The following SH3PXD2B variants were observed in gnomAD, a reference collection of about 807,000 sequenced individuals.
The protein encoded by SH3PXD2B is SH3 and PX domains 2B, also known as SH3 and PX domain-containing protein 2B.
In SH3PXD2B, 37 loss-of-function variants were observed where a neutral mutation model predicts 73.1. The observed-to-expected ratio is 0.51, with a 90% CI of 0.39 to 0.67. The LOEUF (loss-of-function observed/expected upper bound fraction) is 0.67. Among genes scored for constraint, SH3PXD2B ranks in the 30% least tolerant of loss-of-function variants. SH3PXD2B has a pLI of 0.00. For synonymous variants in SH3PXD2B, 457 were observed against 480.5 expected (o/e 0.95, Z 0.64); for missense variants, 1,053 against 1,197.8 (o/e 0.88, Z 1.78).
intron 2 of SH3PXD2B, among the ~76,000 whole-genome samples, chr5:172,412,595 A>T (rs553741421): frequency 6.6e-6 from 1 of 152,248 alleles, no homozygotes; most frequent in Admixed American, 6.5e-5. Flanking sequence ...GGGGGATTAG[A>T]GCCCTGCAAG....
exon 13 of SH3PXD2B, chr5:172,325,346 T>A: frequency 6.5e-7 from 1 of 1,535,568 alleles, no homozygotes; most frequent in Non-Finnish European, 8.7e-7. Context: ...AAGAGGGACT[T>A]CCACAGGGCT....
chr5:172,383,612 C>T (rs757371690), intron 4 of SH3PXD2B, among the ~76,000 whole-genome samples: 2 of 152,208 alleles, frequency 1.3e-5, no homozygotes, highest in Admixed American at 6.5e-5. Context: ...AGGTGGTTCA[C>T]GCATACATTT....
rs557671230 is a variant in SH3PXD2B at position 172,394,132 on chromosome 5, T to C, written c.309+431A>G. On this transcript the variant is annotated intron_variant, in intron 4 of 12. Transcript: ENST00000311601. ...CTAATTTTTGTATTTTTAGTATAGA[T>C]GGGGTTTCAACATGTTTGGTCAGGC... Among the ~76,000 whole-genome samples the C allele has an allele frequency of 1.5e-4, 23 of 152,126 alleles. No homozygotes were observed. In the East Asian group the frequency reaches 4.3e-3, roughly 28 times the overall value.
intron 6 of SH3PXD2B, among the ~76,000 whole-genome samples, chr5:172,364,374 C>T (rs1272242275): frequency 2.0e-5 from 3 of 152,044 alleles, no homozygotes; most frequent in Non-Finnish European, 4.4e-5. Context: ...TGTCAAAATA[C>T]ACCCAATTGG....
chr5:172,362,936 G>C, intron 6 of SH3PXD2B, 67 bp from the exon 7 acceptor site: 1 of 1,604,678 alleles, frequency 6.2e-7, no homozygotes, highest in Non-Finnish European at 8.5e-7. Context: ...AGTCAGAGCA[G>C]TAGGGCGGGT....
chr5:172,397,438 T>C (rs941755168), intron 3 of SH3PXD2B, among the ~76,000 whole-genome samples: 1 of 152,218 alleles, frequency 6.6e-6, no homozygotes, highest in African/African-American at 2.4e-5. Flanking sequence ...ATGATCTCTG[T>C]GACCCACACC....
intron 12 of SH3PXD2B, among the ~76,000 whole-genome samples, chr5:172,328,118 A>AT (rs145836169): frequency 1.5e-3 from 212 of 140,056 alleles, no homozygotes; most frequent in Admixed American, 2.4e-3. Flanking sequence ...TAGTAGGCTG[A>AT]TTTTTTTTTT....
At chr5:172,368,146 G>A (rs1757568247) in intron 6 of SH3PXD2B, among the ~76,000 whole-genome samples, 1 of 151,818 alleles carries the variant, frequency 6.6e-6, no homozygotes, top group Non-Finnish European at 1.5e-5. Context: ...CCTCTGCTAG[G>A]GACAGTCTTC....
chr5:172,329,077 ATATATATTT>A (rs1756503269), downstream of SH3PXD2B, among the ~76,000 whole-genome samples: 2 of 63,584 alleles, frequency 3.1e-5, no homozygotes, highest in African/African-American at 1.2e-4. Context: ...ATATATATAT[ATATATATTT>A]TTTTTTTTTT....
At chr5:172,370,093 T>C (rs1010667767) in intron 6 of SH3PXD2B, among the ~76,000 whole-genome samples, 13 of 152,214 alleles carry the variant, frequency 8.5e-5, no homozygotes, top group African/African-American at 3.1e-4. Context: ...ACAACAGACA[T>C]TTGTGGGATG....
chr5:172,344,272 G>A (rs538416698), intron 12 of SH3PXD2B, among the ~76,000 whole-genome samples: 1 of 152,222 alleles, frequency 6.6e-6, no homozygotes, highest in South Asian at 2.1e-4. Context: ...GAGAAAAACA[G>A]AGCATATGGA....
chr5:172,439,806 G>A (rs191769494), intron 1 of SH3PXD2B, among the ~76,000 whole-genome samples: 11 of 147,332 alleles, frequency 7.5e-5, no homozygotes, highest in African/African-American at 2.8e-4. Flanking sequence ...CTATTTCCAG[G>A]GTTGGCCAGG....
rs958441480 is a variant in SH3PXD2B, at chr5:172,334,951, T to C, written c.*3418A>G. 10 of 985,264 alleles carry C rather than the reference T, an allele frequency of 1.0e-5. No individual in the cohort carries two copies. Among genetic ancestry groups the C allele is most frequent in the East Asian group, 1.1e-4 (1 of 8,818 alleles). 61.0% of individuals were successfully genotyped at this position (985,264 alleles called of 1,614,324 possible). On this transcript the variant is annotated 3_prime_UTR_variant, in exon 13 of 13. Coordinates refer to ENST00000311601, the MANE Select transcript of SH3PXD2B (RefSeq NM_001017995.3). ...GTGGCCTTGTGGCAGAGGTTTAAAA[T>C]GACTACCGTAACCTGGCATGGGCTC...
chr5:172,401,207 T>C (rs538564207), intron 3 of SH3PXD2B, among the ~76,000 whole-genome samples: 16 of 152,234 alleles, frequency 1.1e-4, no homozygotes, highest in Non-Finnish European at 2.2e-4. Context: ...TGCAGTGTGA[T>C]TGGAATACTT....
intron 12 of SH3PXD2B, among the ~76,000 whole-genome samples, chr5:172,328,337 C>T (rs9986173): frequency 0.025 from 3,800 of 152,028 alleles, 118 homozygotes; most frequent in African/African-American, 0.074. Flanking sequence ...AACTCCTGAC[C>T]TCATGATCCG....
intron 3 of SH3PXD2B, among the ~76,000 whole-genome samples, chr5:172,402,591 C>T (rs918097780): frequency 1.3e-5 from 2 of 152,214 alleles, no homozygotes; most frequent in African/African-American, 4.8e-5. Flanking sequence ...CTTCTGTACT[C>T]TTTCCCTTTA....
chr5:172,382,844 C>G (rs1436974551), intron 4 of SH3PXD2B, among the ~76,000 whole-genome samples: 1 of 151,982 alleles, frequency 6.6e-6, no homozygotes, highest in African/African-American at 2.4e-5. Context: ...TTTTTGTGCC[C>G]TAGTCTCCTG....
In SH3PXD2B at chr5:172,335,012, G is replaced by C. The variant is rs899885495; in HGVS notation, c.*3357C>G. ...CCAGTAGGGAAGGGCCATTAAAAGC[G>C]GTTTAAGCTGGAGCTCAGCTCTCCC... On this transcript the variant is annotated 3_prime_UTR_variant, in exon 13 of 13. Coordinates refer to ENST00000311601, the MANE Select transcript of SH3PXD2B (RefSeq NM_001017995.3). 3 of 985,340 alleles carry C rather than the reference G, an allele frequency of 3.0e-6. No homozygotes were observed. In the African/African-American group the frequency reaches 5.2e-5, roughly 17 times the overall value. 61.0% of individuals were successfully genotyped at this position (985,340 alleles called of 1,614,324 possible).
chr5:172,339,233 C>T lies in SH3PXD2B; in HGVS notation c.1872G>A (p.Glu624=), dbSNP rs1291180932. 6.2e-7 allele frequency: 1 copy of T among 1,614,110 alleles called. No homozygotes were observed. Among genetic ancestry groups the T allele is most frequent in the African/African-American group, 1.3e-5 (1 of 74,930 alleles). Residue 624 remains glutamate (E), a synonymous_variant, in exon 13 of 13, where the codon GAG becomes GAA. Coordinates refer to ENST00000311601, the MANE Select transcript of SH3PXD2B (RefSeq NM_001017995.3). This position sits in a 1 kb window ranked among gnomAD's most constrained non-coding sequence, Gnocchi z 6.1. ...PISKSKTDLP[E]EKPDATPQNP... Reference sequence around the variant, plus strand: ...TCTGGGGAGTGGCATCTGGCTTCTCCTCTGGCAGGTCAGTTTTGGATTTGG... The same window carrying T: ...TCTGGGGAGTGGCATCTGGCTTCTCTTCTGGCAGGTCAGTTTTGGATTTGG...
Sources: allele counts gnomAD v4.1 joint callset (sites outside exome capture counted in the v4.1 genomes callset), GRCh38; gene constraint gnomAD v4.1.1; non-coding constraint Gnocchi (gnomAD v3.1); transcripts MANE v1.5; gene names NCBI Gene and HGNC (gene_info 2026-07-23, HGNC 2026-07-21).